The following GPAT3 variants were observed in gnomAD, a reference collection of about 807,000 sequenced individuals.
GPAT3 encodes the protein 1-AGP acyltransferase 9.
In GPAT3, 53 loss-of-function variants were observed where a neutral mutation model predicts 58.8. That is an observed-to-expected ratio of 0.90 (90% CI 0.72 to 1.13). GPAT3 has a LOEUF of 1.13. GPAT3 is among the 50% of genes most tolerant of loss of function. The pLI is 0.00. For missense variants in GPAT3, 511 were observed against 527.6 expected, an observed-to-expected ratio of 0.97 and a Z score of 0.31; for synonymous variants, 197 against 187.4, an observed-to-expected ratio of 1.05 and a Z score of -0.42.
At position 83,598,186 on chromosome 4, in the gene GPAT3, C is replaced by G; in HGVS notation, c.1125+7C>G. 1 of 1,611,586 alleles carries G rather than the reference C, an allele frequency of 6.2e-7. No homozygotes were observed. The highest frequency in any genetic ancestry group is 8.5e-7 in the Non-Finnish European group (1 of 1,179,346). On this transcript the variant is annotated splice_region_variant and intron_variant, in intron 10 of 11. Transcript: ENST00000264409. ...GCCCCCCATGACCAGAGAGGTATTCCTTAGCTAACACTTTATCTAATCAGG... is the reference window on the plus strand; with the variant it reads ...GCCCCCCATGACCAGAGAGGTATTCGTTAGCTAACACTTTATCTAATCAGG...
upstream of GPAT3, chr4:83,535,623 A>T: frequency 1.2e-6 from 1 of 809,132 alleles, no homozygotes; most frequent in South Asian, 5.7e-5. Flanking sequence ...ACAGATACTT[A>T]GCCGCAGGGT....
chr4:83,588,335 G>A, intron 5 of GPAT3, 36 bp downstream of exon 5: 2 of 1,578,728 alleles, frequency 1.3e-6, no homozygotes, highest in Non-Finnish European at 1.7e-6. Context: ...TCTTTTTCTA[G>A]GTCAATTCAG....
At position 83,536,258 on chromosome 4, in the gene GPAT3, C is replaced by T. The variant is rs1417893299; in HGVS notation, c.-365C>T. On this transcript the variant is annotated 5_prime_UTR_variant, in exon 1 of 12. Coordinates refer to ENST00000264409, the MANE Select transcript of GPAT3 (RefSeq NM_032717.5). ...TCGCCACCCAGAGGAAATCAGGCAC[C>T]GGGCGGGGCGGGTTCCTGGCTGCGC... The T allele has an allele frequency of 4.9e-6, 5 of 1,016,836 alleles. No homozygotes were observed. The African/African-American group carries it at 8.6e-5, about 17-fold the overall frequency. The allele number at this position is 1,016,836 out of a possible 1,614,324, so 63.0% of individuals were successfully genotyped here.
chr4:83,603,544 A>T (rs1727141786), intron 11 of GPAT3, among the ~76,000 whole-genome samples: 1 of 152,192 alleles, frequency 6.6e-6, no homozygotes, highest in Admixed American at 6.5e-5. Flanking sequence ...TAATCCCAGC[A>T]CTTTGGGAGG....
At chr4:83,583,852 G>A (rs1262167539) in intron 3 of GPAT3, among the ~76,000 whole-genome samples, 2 of 151,868 alleles carry the variant, frequency 1.3e-5, no homozygotes, top group East Asian at 1.9e-4. Flanking sequence ...GCACATGCCT[G>A]TAGTCCCAGC....
chr4:83,556,002 A>G (rs573155725), intron 2 of GPAT3, among the ~76,000 whole-genome samples: 5 of 152,330 alleles, frequency 3.3e-5, no homozygotes, highest in African/African-American at 1.2e-4. Context: ...ACTTACCAGG[A>G]AGCTCCTAAC....
Position 83,604,746 on chromosome 4 carries a change from G to C in GPAT3, c.1284G>C (p.Val428=). 2 of 1,613,816 alleles carry C rather than the reference G, an allele frequency of 1.2e-6. No homozygotes were observed. The highest frequency in any genetic ancestry group is 8.5e-7 in the Non-Finnish European group (1 of 1,179,882). Residue 428 remains valine (V), a synonymous_variant, in exon 12 of 12, where the codon GTG becomes GTC. Coordinates refer to ENST00000264409, the MANE Select transcript of GPAT3 (RefSeq NM_032717.5). ...EQQKNYSKMI[V]GNGSLS ...AGAAAAATTACAGCAAGATGATTGTGGGCAATGGATCTCTCAGCTAAGAGG... is the reference window on the plus strand; with the variant it reads ...AGAAAAATTACAGCAAGATGATTGTCGGCAATGGATCTCTCAGCTAAGAGG...
chr4:83,605,377 T>A lies in GPAT3; in HGVS notation c.*610T>A, dbSNP rs540086509. The A allele has an allele frequency of 6.6e-6, 1 of 152,394 alleles. No homozygotes were observed. The highest frequency in any genetic ancestry group is 6.5e-5 in the Admixed American group (1 of 15,306). The allele number at this position is 152,394 out of a possible 1,614,324, so 9.4% of individuals were successfully genotyped here. A position where few individuals can be genotyped will look rare whatever the true frequency, so the allele number is the denominator to read the frequency against. On this transcript the variant is annotated 3_prime_UTR_variant, in exon 12 of 12. Transcript: ENST00000264409. ...AAAGAAAAGTGAGTCAAAGTTAATGTGTGTGCGCATTTATATGTAGGCAGC... is the reference window on the plus strand; with the variant it reads ...AAAGAAAAGTGAGTCAAAGTTAATGAGTGTGCGCATTTATATGTAGGCAGC...
chr4:83,579,989 A>G (rs1380311872), intron 2 of GPAT3, among the ~76,000 whole-genome samples: 2 of 152,220 alleles, frequency 1.3e-5, no homozygotes, highest in East Asian at 3.8e-4. Flanking sequence ...TTAACATCTT[A>G]ATTACTATCT....
intron 2 of GPAT3, among the ~76,000 whole-genome samples, chr4:83,568,701 G>A (rs1458074023): frequency 1.3e-5 from 2 of 151,824 alleles, no homozygotes; most frequent in East Asian, 1.9e-4. Flanking sequence ...TAGAGACGGG[G>A]TTTCACCATG....
At chr4:83,597,579 T>G in intron 9 of GPAT3, 64 bp downstream of exon 9, 1 of 1,209,044 alleles carries the variant, frequency 8.3e-7, no homozygotes, top group East Asian at 2.8e-5. Flanking sequence ...TAATTTTATT[T>G]TGGTAGCATT....
chr4:83,565,501 T>G (rs1421885429), intron 2 of GPAT3, among the ~76,000 whole-genome samples: 2 of 152,166 alleles, frequency 1.3e-5, no homozygotes, highest in South Asian at 2.1e-4. Context: ...ATTGATTTTT[T>G]TTTGTTTGTT....
chr4:83,598,988 T>G (rs1210229845), intron 11 of GPAT3, among the ~76,000 whole-genome samples: 1 of 151,744 alleles, frequency 6.6e-6, no homozygotes, highest in Non-Finnish European at 1.5e-5. Flanking sequence ...GGGGTGTCCT[T>G]GTGTTGCTGA....
intron 11 of GPAT3, among the ~76,000 whole-genome samples, chr4:83,601,535 C>T (rs1389621099): frequency 2.6e-5 from 4 of 152,160 alleles, no homozygotes; most frequent in African/African-American, 9.7e-5. Context: ...GGTAGATCAC[C>T]TGAGTTTAAG....
intron 11 of GPAT3, among the ~76,000 whole-genome samples, chr4:83,600,330 A>G (rs2110111450): frequency 6.6e-6 from 1 of 151,782 alleles, no homozygotes; most frequent in South Asian, 2.1e-4. Context: ...CACTAATCCC[A>G]TGAGTGCTCC....
intron 3 of GPAT3, among the ~76,000 whole-genome samples, chr4:83,584,362 C>A (rs940665091): frequency 6.6e-6 from 1 of 152,198 alleles, no homozygotes; most frequent in African/African-American, 2.4e-5. Context: ...AGTGGATACT[C>A]TTCAGTGTGG....
At chr4:83,577,282 A>G (rs1725856422) in intron 2 of GPAT3, among the ~76,000 whole-genome samples, 1 of 152,202 alleles carries the variant, frequency 6.6e-6, no homozygotes, top group African/African-American at 2.4e-5. Context: ...GTAAGGTGCA[A>G]TCCTGGACCA....
rs1057004983 is a variant in GPAT3 at position 83,536,406 on chromosome 4, A to G, written c.-217A>G. 3 of 1,341,774 alleles carry G rather than the reference A, an allele frequency of 2.2e-6. No homozygotes were observed. The African/African-American group carries it at 4.5e-5, about 20-fold the overall frequency. 83.1% of individuals were successfully genotyped at this position (1,341,774 alleles called of 1,614,324 possible). On this transcript the variant is annotated 5_prime_UTR_variant, in exon 1 of 12. Coordinates refer to ENST00000264409, the MANE Select transcript of GPAT3 (RefSeq NM_032717.5). ...GCCCAGACCTGGGCAGCCAGCGGAG[A>G]AAGAGTTAACTGGCAGGGGCGAGGA... is the stretch of plus-strand genomic sequence containing the variant.
intron 2 of GPAT3, among the ~76,000 whole-genome samples, chr4:83,548,817 C>G (rs989699108): frequency 1.3e-5 from 2 of 152,026 alleles, no homozygotes; most frequent in African/African-American, 2.4e-5. Context: ...AAGTCTCTGC[C>G]CCTTTGCCCA....
Sources: gnomAD v4.1 joint callset for allele counts (sites outside exome capture counted in the v4.1 genomes callset) on GRCh38, gnomAD v4.1.1 for gene constraint, MANE v1.5 for transcripts, NCBI Gene and HGNC (gene_info 2026-07-23, HGNC 2026-07-21) for gene names.